The following FILIP1L variants were observed in gnomAD, a reference collection of about 807,000 sequenced individuals.
FILIP1L encodes filamin A interacting protein 1 like, also known as filamin A-interacting protein 1-like.
A neutral mutation model predicts 96.6 loss-of-function variants in FILIP1L; 55 were observed. The observed-to-expected ratio is 0.57, with a 90% CI of 0.46 to 0.71. The LOEUF (loss-of-function observed/expected upper bound fraction) is 0.71. FILIP1L is among the 30% of genes least tolerant of loss of function. The pLI, the probability that FILIP1L is intolerant of heterozygous loss-of-function variation, is 0.00. For synonymous variants in FILIP1L, 467 were observed against 473.9 expected, an observed-to-expected ratio of 0.99 and a Z score of 0.19; for missense variants, 1,304 against 1,321.2, an observed-to-expected ratio of 0.99 and a Z score of 0.20.
intron 5 of FILIP1L, among the ~76,000 whole-genome samples, chr3:99,842,242 C>A (rs186031499): frequency 6.6e-6 from 1 of 152,116 alleles, no homozygotes. Flanking sequence ...AATGGAAAAC[C>A]AAACATTGTA....
intron 4 of FILIP1L, chr3:99,876,161 G>A (rs1041958256): frequency 1.0e-5 from 10 of 985,556 alleles, no homozygotes; most frequent in Non-Finnish European, 1.1e-5. Context: ...TCCGAGAGTC[G>A]CCCGAACAAT....
chr3:100,067,164 CTCGT>C (rs2065680276), intron 1 of FILIP1L, among the ~76,000 whole-genome samples: 3 of 129,954 alleles, frequency 2.3e-5, no homozygotes, highest in Admixed American at 1.6e-4. Flanking sequence ...TGTTTTTGAT[CTCGT>C]TTGTTTGTTT....
At chr3:99,884,063 G>A (rs1343052631) in intron 4 of FILIP1L, among the ~76,000 whole-genome samples, 1 of 152,180 alleles carries the variant, frequency 6.6e-6, no homozygotes, top group African/African-American at 2.4e-5. Context: ...TGGGCTAGGA[G>A]AGTGAGAATG....
At chr3:100,112,211 T>G (rs1576077537) in intron 1 of FILIP1L, among the ~76,000 whole-genome samples, 2 of 152,348 alleles carry the variant, frequency 1.3e-5, no homozygotes, top group Non-Finnish European at 2.9e-5. Context: ...TCTTTAAATG[T>G]TTTTTAATGT....
At chr3:99,949,524 TTTATCAG>T (rs1312213158) in intron 1 of FILIP1L, among the ~76,000 whole-genome samples, 2 of 152,172 alleles carry the variant, frequency 1.3e-5, no homozygotes, top group African/African-American at 4.8e-5. Flanking sequence ...CGCAGTACGT[TTTATCAG>T]TTGAAAGAAG....
At chr3:100,084,028 T>C (rs2065969868) in intron 1 of FILIP1L, among the ~76,000 whole-genome samples, 1 of 152,152 alleles carries the variant, frequency 6.6e-6, no homozygotes, top group African/African-American at 2.4e-5. Context: ...ATTTCTTCCT[T>C]TCATAAAATA....
At chr3:99,933,548 A>G (rs1244474302) in intron 1 of FILIP1L, among the ~76,000 whole-genome samples, 1 of 152,210 alleles carries the variant, frequency 6.6e-6, no homozygotes, top group African/African-American at 2.4e-5. Context: ...AAAATTATAC[A>G]TAAACAGGAT....
At chr3:100,048,740 A>G (rs1440257465) in intron 1 of FILIP1L, among the ~76,000 whole-genome samples, 1 of 152,190 alleles carries the variant, frequency 6.6e-6, no homozygotes, top group African/African-American at 2.4e-5. Flanking sequence ...GCCCCTGTAC[A>G]TGGACAAAGA....
At position 99,853,255 on chromosome 3, in the gene FILIP1L, T is replaced by C. The variant is rs1020719163; in HGVS notation, c.606-2185A>G. 4.6e-5 allele frequency among the ~76,000 whole-genome samples: 7 copies of C among 152,272 alleles called. No individual in the cohort carries two copies. The East Asian group carries it at 1.3e-3, about 29-fold the overall frequency. ...TGCCTTAGCATTAGAATTCATTCGA[T>C]GTAATGGTTTTGACAATGCCTTGAG... On this transcript the variant is annotated intron_variant, in intron 4 of 5. Transcript: ENST00000477258.
rs35846303 is a variant in FILIP1L, at chr3:99,996,578, G to C, written c.-10-65548C>G. Among the ~76,000 whole-genome samples, 687 of 152,276 alleles carry C rather than the reference G, an allele frequency of 4.5e-3. 7 individuals are homozygous for C. Among genetic ancestry groups the C allele is most frequent in the African/African-American group, 0.016 (673 of 41,554 alleles). ...AGTCAGTTTTCATGCTGCTGATAAAGACATACCCAAGACTGGGAAGAAAAA... is the reference window on the plus strand; with the variant it reads ...AGTCAGTTTTCATGCTGCTGATAAACACATACCCAAGACTGGGAAGAAAAA... On this transcript the variant is annotated intron_variant, in intron 1 of 5. Transcript: ENST00000477258.
intron 1 of FILIP1L, among the ~76,000 whole-genome samples, chr3:100,014,457 C>T (rs1710259460): frequency 6.6e-6 from 1 of 152,060 alleles, no homozygotes; most frequent in African/African-American, 2.4e-5. Flanking sequence ...TACATTCCCA[C>T]CAACAGTGTA....
intron 4 of FILIP1L, among the ~76,000 whole-genome samples, chr3:99,853,225 T>G (rs1943793134): frequency 6.6e-6 from 1 of 152,232 alleles, no homozygotes; most frequent in African/African-American, 2.4e-5. Flanking sequence ...AGTGCTTCTT[T>G]CTCCTGCCTT....
rs28508384 is a variant in FILIP1L, at chr3:99,840,376, A to G, written c.3381+7919T>C. Among the ~76,000 whole-genome samples, 667 of 152,050 alleles carry G rather than the reference A, an allele frequency of 4.4e-3. 5 individuals are homozygous for G. Among genetic ancestry groups the G allele is most frequent in the African/African-American group, 0.015 (625 of 41,490 alleles). On this transcript the variant is annotated intron_variant, in intron 5 of 5. Coordinates refer to ENST00000477258, the MANE Select transcript of FILIP1L (RefSeq NM_001387850.1). ...GTAGCTGGGATTACAGGTGCCCACC[A>G]CCATGCCCGGCTAATTTTTGTATTT...
At chr3:99,843,601 GT>G (rs1943229120) in intron 5 of FILIP1L, among the ~76,000 whole-genome samples, 1 of 152,160 alleles carries the variant, frequency 6.6e-6, no homozygotes, top group Non-Finnish European at 1.5e-5. Flanking sequence ...TTGAAAATAT[GT>G]TTAATACACC....
At chr3:99,953,277 G>C (rs1480696886) in intron 1 of FILIP1L, among the ~76,000 whole-genome samples, 5 of 152,012 alleles carry the variant, frequency 3.3e-5, no homozygotes, top group African/African-American at 1.2e-4. Flanking sequence ...CCTCTGACCT[G>C]CTTCTACCTT....
At chr3:100,113,387 C>T (rs898333928) in intron 1 of FILIP1L, among the ~76,000 whole-genome samples, 1 of 152,226 alleles carries the variant, frequency 6.6e-6, no homozygotes, top group Admixed American at 6.5e-5. Context: ...ATCCAGTCAT[C>T]TTCTGTGGGG....
At chr3:99,903,457 G>C (rs957775796) in intron 4 of FILIP1L, among the ~76,000 whole-genome samples, 1 of 151,966 alleles carries the variant, frequency 6.6e-6, no homozygotes, top group African/African-American at 2.4e-5. Context: ...TCACCATGTT[G>C]GTCAGGCTGG....
At chr3:99,950,987 G>T (rs1248203676) in intron 1 of FILIP1L, among the ~76,000 whole-genome samples, 2 of 152,214 alleles carry the variant, frequency 1.3e-5, no homozygotes. Flanking sequence ...CTTGTTAAGA[G>T]GGATCCAAGC....
chr3:100,059,446 T>C (rs2065522136), intron 1 of FILIP1L, among the ~76,000 whole-genome samples: 1 of 152,210 alleles, frequency 6.6e-6, no homozygotes, highest in African/African-American at 2.4e-5. Flanking sequence ...CTAGCCTTGC[T>C]TCCTTTCATT....
Sources: gnomAD v4.1 joint callset for allele counts (sites outside exome capture counted in the v4.1 genomes callset) on GRCh38, gnomAD v4.1.1 for gene constraint, MANE v1.5 for transcripts, NCBI Gene and HGNC (gene_info 2026-07-23, HGNC 2026-07-21) for gene names.